Variants in MYO1D observed in about 807,000 individuals in gnomAD.
The protein encoded by MYO1D is myosin ID, also known as unconventional myosin-Id.
MYO1D carries 83 observed loss-of-function variants against 122.0 expected under a neutral mutation model. That is an observed-to-expected ratio of 0.68 (90% CI 0.57 to 0.82). The LOEUF is 0.82. Among genes scored for constraint, MYO1D ranks in the 40% least tolerant of loss-of-function variants. MYO1D has a pLI of 0.00. For missense variants in MYO1D, 1,157 were observed against 1,269.5 expected, an observed-to-expected ratio of 0.91 and a Z score of 1.35; for synonymous variants, 464 against 446.9, an observed-to-expected ratio of 1.04 and a Z score of -0.48.
intron 19 of MYO1D, among the ~76,000 whole-genome samples, chr17:32,650,506 T>C (rs1472656509): frequency 2.6e-5 from 4 of 152,176 alleles, no homozygotes; most frequent in Non-Finnish European, 4.4e-5. Context: ...TTCTCTCCTC[T>C]CCCTCAGAGA....
intron 21 of MYO1D, among the ~76,000 whole-genome samples, chr17:32,509,075 A>G (rs1213090956): frequency 6.6e-6 from 1 of 152,236 alleles, no homozygotes; most frequent in Non-Finnish European, 1.5e-5. Flanking sequence ...GGCCTCACCC[A>G]TCTTCACAGC....
At chr17:32,552,201 G>A (rs1345605919) in intron 21 of MYO1D, among the ~76,000 whole-genome samples, 1 of 152,084 alleles carries the variant, frequency 6.6e-6, no homozygotes, top group East Asian at 1.9e-4. Flanking sequence ...TCAGCCTCCT[G>A]AGTAGCTGGG....
intron 14 of MYO1D, among the ~76,000 whole-genome samples, chr17:32,724,173 C>T (rs2089544493): frequency 6.6e-6 from 1 of 152,126 alleles, no homozygotes; most frequent in Non-Finnish European, 1.5e-5. Flanking sequence ...GAATAGAATG[C>T]CTTTACTTTT....
At chr17:32,590,145 C>T (rs1460257011) in intron 21 of MYO1D, among the ~76,000 whole-genome samples, 2 of 152,194 alleles carry the variant, frequency 1.3e-5, no homozygotes, top group African/African-American at 4.8e-5. Context: ...AGTTCAAATT[C>T]ATTGGCATGG....
At chr17:32,598,749 C>G (rs1416240737) in intron 21 of MYO1D, among the ~76,000 whole-genome samples, 1 of 152,088 alleles carries the variant, frequency 6.6e-6, no homozygotes, top group Non-Finnish European at 1.5e-5. Context: ...AGCATCATGT[C>G]TAAATACTGT....
intron 14 of MYO1D, among the ~76,000 whole-genome samples, chr17:32,735,993 T>G (rs1449832374): frequency 1.3e-5 from 2 of 152,114 alleles, no homozygotes; most frequent in Non-Finnish European, 2.9e-5. Flanking sequence ...GCTTAGTCTA[T>G]TTACATTATG....
chr17:32,513,843 T>C (rs923152577), intron 21 of MYO1D, among the ~76,000 whole-genome samples: 1 of 151,988 alleles, frequency 6.6e-6, no homozygotes, highest in African/African-American at 2.4e-5. Flanking sequence ...CTTTTTTTTT[T>C]TTTTGTAGAC....
chr17:32,875,519 A>C (rs1390187491), intron 1 of MYO1D, among the ~76,000 whole-genome samples: 4 of 152,216 alleles, frequency 2.6e-5, no homozygotes, highest in Non-Finnish European at 1.5e-5. Context: ...TGGAACTAGA[A>C]TTTGAATCTC....
chr17:32,628,534 TTTAA>T (rs1402806055), intron 20 of MYO1D, among the ~76,000 whole-genome samples: 1 of 152,220 alleles, frequency 6.6e-6, no homozygotes, highest in African/African-American at 2.4e-5. Flanking sequence ...AAATTCAGCT[TTTAA>T]TTATGTTTGC....
chr17:32,715,494 T>A (rs944528724), intron 15 of MYO1D, among the ~76,000 whole-genome samples: 3 of 152,112 alleles, frequency 2.0e-5, no homozygotes, highest in African/African-American at 7.2e-5. Context: ...CCTGGATATA[T>A]CTTGTCAATC....
At chr17:32,522,552 G>C (rs1487718776) in intron 21 of MYO1D, among the ~76,000 whole-genome samples, 1 of 152,184 alleles carries the variant, frequency 6.6e-6, no homozygotes, top group Non-Finnish European at 1.5e-5. Flanking sequence ...GAGTTCCCAG[G>C]GGATGAGGCA....
At chr17:32,838,104 A>G (rs930483956) in intron 1 of MYO1D, among the ~76,000 whole-genome samples, 22 of 152,146 alleles carry the variant, frequency 1.4e-4, no homozygotes, top group African/African-American at 5.3e-4. Flanking sequence ...TTTCCCTACA[A>G]TATTCCCCAT....
At chr17:32,763,383 A>G (rs2090022403) in intron 8 of MYO1D, among the ~76,000 whole-genome samples, 1 of 152,106 alleles carries the variant, frequency 6.6e-6, no homozygotes, top group African/African-American at 2.4e-5. Context: ...GTGAGAAAAT[A>G]CAACGCTTGC....
At chr17:32,804,126 C>T (rs1210540143) in intron 1 of MYO1D, among the ~76,000 whole-genome samples, 1 of 152,026 alleles carries the variant, frequency 6.6e-6, no homozygotes, top group Non-Finnish European at 1.5e-5. Flanking sequence ...GCATAGTATT[C>T]GCATATAACC....
At chr17:32,851,484 C>T (rs533370062) in intron 1 of MYO1D, among the ~76,000 whole-genome samples, 47 of 152,322 alleles carry the variant, frequency 3.1e-4, no homozygotes, top group Admixed American at 7.2e-4. Context: ...ATCAAATAGT[C>T]CATATCCACC....
chr17:32,494,757 C>A lies in MYO1D; in HGVS notation c.*2G>T. 1 of 1,595,982 alleles carries A rather than the reference C, an allele frequency of 6.3e-7. No homozygotes were observed. Among genetic ancestry groups the A allele is most frequent in the Non-Finnish European group, 8.5e-7 (1 of 1,171,928 alleles). Reference sequence around the variant, plus strand: ...GGCTCCGGGCCAGGCCTCCGCGGGGCGTCAGTTCCCGGGCACGCTGAGGAT... The same window carrying A: ...GGCTCCGGGCCAGGCCTCCGCGGGGAGTCAGTTCCCGGGCACGCTGAGGAT... On this transcript the variant is annotated 3_prime_UTR_variant, in exon 22 of 22. Coordinates refer to ENST00000318217, the MANE Select transcript of MYO1D (RefSeq NM_015194.3).
chr17:32,510,959 GA>G (rs35310034), intron 21 of MYO1D: 91,875 of 140,204 alleles, frequency 0.66, 29,612 homozygotes, highest in South Asian at 0.7. Context: ...TATGAGGGAA[GA>G]AAAAAAAAAA....
intron 21 of MYO1D, among the ~76,000 whole-genome samples, chr17:32,543,151 G>C (rs1427198394): frequency 6.6e-6 from 1 of 150,928 alleles, no homozygotes; most frequent in South Asian, 2.1e-4. Context: ...GCATGAACCT[G>C]GGAGGCGGAG....
At chr17:32,526,715 C>G (rs1416390200) in intron 21 of MYO1D, among the ~76,000 whole-genome samples, 1 of 151,872 alleles carries the variant, frequency 6.6e-6, no homozygotes, top group Admixed American at 6.6e-5. Context: ...TGCAGGTGCA[C>G]AATCATGGCT....
Sources: allele counts gnomAD v4.1 joint callset (sites outside exome capture counted in the v4.1 genomes callset), GRCh38; gene constraint gnomAD v4.1.1; transcripts MANE v1.5; gene names NCBI Gene and HGNC (gene_info 2026-07-23, HGNC 2026-07-21).